Variants in BCAR3 observed in about 807,000 individuals in gnomAD.
BCAR3 encodes the protein BCAR3 adaptor protein, NSP family member, also known as breast cancer anti-estrogen resistance protein 3.
Under a neutral mutation model 80.1 loss-of-function variants are expected in BCAR3, and 37 were observed. The ratio of observed to expected loss-of-function variants is 0.46; its 90% CI spans 0.36 to 0.61. The LOEUF is 0.61. BCAR3 is among the 20% of genes least tolerant of loss of function. The pLI, the probability that BCAR3 is intolerant of heterozygous loss-of-function variation, is 0.00. For synonymous variants in BCAR3, 389 were observed against 418.9 expected (o/e 0.93, Z 0.87); for missense variants, 978 against 1,068.2 (o/e 0.92, Z 1.18).
At chr1:93,678,347 C>G (rs1271476093) in intron 1 of BCAR3, among the ~76,000 whole-genome samples, 2 of 152,304 alleles carry the variant, frequency 1.3e-5, no homozygotes, top group Middle Eastern at 3.4e-3. Context: ...TGCATACATT[C>G]ATGGAGGGTC....
chr1:93,667,566 A>G (rs1389494554), intron 2 of BCAR3, among the ~76,000 whole-genome samples: 1 of 152,204 alleles, frequency 6.6e-6, no homozygotes, highest in African/African-American at 2.4e-5. Context: ...CAGTGATTAT[A>G]CTCACAGGCA....
chr1:93,709,057 G>C (rs1413375939), intron 2 of BCAR3, among the ~76,000 whole-genome samples: 1 of 152,122 alleles, frequency 6.6e-6, no homozygotes, highest in Non-Finnish European at 1.5e-5. Flanking sequence ...GAAGTGCTGC[G>C]ATAAGCTAAG....
intron 7 of BCAR3, among the ~76,000 whole-genome samples, chr1:93,581,689 G>A (rs1673717429): frequency 6.6e-6 from 1 of 152,208 alleles, no homozygotes; most frequent in African/African-American, 2.4e-5. Context: ...TTACAGGCTT[G>A]AGCCAACATG....
At chr1:93,570,241 C>T (rs1020941666) in intron 9 of BCAR3, among the ~76,000 whole-genome samples, 8 of 152,276 alleles carry the variant, frequency 5.3e-5, no homozygotes, top group African/African-American at 1.9e-4. Flanking sequence ...ATCTGACTTG[C>T]GGGACATGTG....
At chr1:93,700,431 T>C (rs1649597521) in intron 3 of BCAR3, among the ~76,000 whole-genome samples, 1 of 152,188 alleles carries the variant, frequency 6.6e-6, no homozygotes. Context: ...CCTTTCAAAG[T>C]GCTAGGATTA....
In BCAR3 at chr1:93,712,578, C is replaced by T. The variant is rs145717706; in HGVS notation, c.-62-6436G>A. Among the ~76,000 whole-genome samples, 971 of 152,288 alleles carry T rather than the reference C, an allele frequency of 6.4e-3. 14 individuals are homozygous for T. Among genetic ancestry groups the T allele is most frequent in the African/African-American group, 0.023 (943 of 41,554 alleles). On this transcript the variant is annotated intron_variant, in intron 2 of 13. Transcript: ENST00000370244. ...CTCTTGACATTTCTTCTTTCCAGGT[C>T]AGCTGTCTTCTCACTAGGTTCTCTC... is the stretch of plus-strand genomic sequence containing the variant.
intron 2 of BCAR3, among the ~76,000 whole-genome samples, chr1:93,788,719 G>A (rs533845033): frequency 6.6e-6 from 1 of 152,144 alleles, no homozygotes; most frequent in East Asian, 1.9e-4. Context: ...AGCCTCTTCT[G>A]GCTGGCAGAG....
chr1:93,735,451 A>C (rs1271181954), intron 2 of BCAR3, among the ~76,000 whole-genome samples: 1 of 152,228 alleles, frequency 6.6e-6, no homozygotes, highest in African/African-American at 2.4e-5. Context: ...AACATCAGGC[A>C]CTTTTGCTTT....
At chr1:93,695,516 C>G (rs1389870607) in intron 3 of BCAR3, among the ~76,000 whole-genome samples, 1 of 152,096 alleles carries the variant, frequency 6.6e-6, no homozygotes, top group African/African-American at 2.4e-5. Flanking sequence ...CTATCATCAC[C>G]CTCTTTCTCT....
chr1:93,567,632 A>G, intron 10 of BCAR3, 108 bp downstream of exon 10: 1 of 1,377,336 alleles, frequency 7.3e-7, no homozygotes, highest in Non-Finnish European at 1.0e-6. Flanking sequence ...AGCCCTGATG[A>G]GCCATCCACA....
chr1:93,603,373 G>T (rs949982958), intron 3 of BCAR3, among the ~76,000 whole-genome samples: 4 of 152,206 alleles, frequency 2.6e-5, no homozygotes, highest in African/African-American at 9.6e-5. Context: ...CCCAACATAT[G>T]ACAATAAAGT....
intron 3 of BCAR3, among the ~76,000 whole-genome samples, chr1:93,602,671 T>C (rs2101868224): frequency 6.6e-6 from 1 of 152,332 alleles, no homozygotes; most frequent in East Asian, 1.9e-4. Context: ...TTCTGAAGTA[T>C]ATAAAGGACT....
intron 2 of BCAR3, among the ~76,000 whole-genome samples, chr1:93,730,173 C>T (rs1371296637): frequency 6.6e-6 from 1 of 152,116 alleles, no homozygotes; most frequent in African/African-American, 2.4e-5. Flanking sequence ...ATTATTCTCG[C>T]CTGGTGAGCT....
chr1:93,571,704 A>G lies in BCAR3; in HGVS notation c.1940T>C (p.Phe647Ser). ...TTCCAGGGCTTTCATGAGAGCTGAG[A>G]AGGAATAGAGGTCCCCCATGGAATC... ...LKDSMGDLYS[F>S]SALMKALEMP... is the part of the protein sequence containing the mutation. The change falls in exon 9 of 12, where the codon TTC becomes TCC. Residue 647 changes from phenylalanine to serine, a missense_variant. Physicochemically the swap from Phe to Ser is radical, Grantham distance 155. Coordinates refer to ENST00000260502, the MANE Select transcript of BCAR3 (RefSeq NM_003567.4). 1 of 1,614,142 alleles carries G rather than the reference A, an allele frequency of 6.2e-7. No individual in the cohort carries two copies. Among genetic ancestry groups the G allele is most frequent in the South Asian group, 1.1e-5 (1 of 91,070 alleles).
intron 2 of BCAR3, among the ~76,000 whole-genome samples, chr1:93,825,552 T>A (rs1654343489): frequency 7.5e-6 from 1 of 133,186 alleles, no homozygotes; most frequent in Non-Finnish European, 1.7e-5. Flanking sequence ...AGGAAACAGG[T>A]CATGCTCCCT....
At chr1:93,844,474 G>A (rs950280216) in intron 2 of BCAR3, among the ~76,000 whole-genome samples, 1 of 152,066 alleles carries the variant, frequency 6.6e-6, no homozygotes, top group African/African-American at 2.4e-5. Flanking sequence ...TCTCACTTGC[G>A]GGAATTCTTA....
At chr1:93,742,058 G>A (rs1240093056) in intron 2 of BCAR3, among the ~76,000 whole-genome samples, 1 of 152,196 alleles carries the variant, frequency 6.6e-6, no homozygotes, top group Admixed American at 6.5e-5. Context: ...CAGGAGAATG[G>A]AGAGTTGTCT....
At chr1:93,750,944 T>C (rs775141746) in intron 2 of BCAR3, among the ~76,000 whole-genome samples, 6 of 152,140 alleles carry the variant, frequency 3.9e-5, no homozygotes, top group Non-Finnish European at 7.3e-5. Flanking sequence ...ATAAGCTTGA[T>C]AAAAAATAGT....
intron 3 of BCAR3, among the ~76,000 whole-genome samples, chr1:93,694,871 A>C (rs1649331445): frequency 6.6e-6 from 1 of 152,194 alleles, no homozygotes; most frequent in Non-Finnish European, 1.5e-5. Flanking sequence ...CTGTCCTGTG[A>C]CAGCACCTCC....
Sources: allele counts gnomAD v4.1 joint callset (sites outside exome capture counted in the v4.1 genomes callset), GRCh38; gene constraint gnomAD v4.1.1; transcripts MANE v1.5; gene names NCBI Gene and HGNC (gene_info 2026-07-23, HGNC 2026-07-21).